The following TSPAN7 variants were observed in gnomAD, a reference collection of about 807,000 sequenced individuals.
The protein encoded by TSPAN7 is tetraspanin 7.
TSPAN7 carries 1 observed loss-of-function variant against 17.6 expected under a neutral mutation model. The ratio of observed to expected loss-of-function variants is 0.06; its 90% confidence interval spans 0.02 to 0.27. TSPAN7 has a LOEUF of 0.27. Ranked by LOEUF, TSPAN7 falls within the 10% of genes least tolerant of loss-of-function variation. The pLI is 1.00. For missense variants in TSPAN7, 112 were observed against 201.7 expected (o/e 0.56, Z 2.69); for synonymous variants, 78 against 79.0 (o/e 0.99, Z 0.07).
intron 1 of TSPAN7, among the ~76,000 whole-genome samples, chrX:38,584,631 CTCTT>C (rs757809782): frequency 2.7e-5 from 3 of 112,054 alleles, no homozygotes; most frequent in Admixed American, 1.9e-4. Flanking sequence ...GTTTGAAAGA[CTCTT>C]TATGTTGTGA....
intron 1 of TSPAN7, among the ~76,000 whole-genome samples, chrX:38,576,306 T>C (rs930586737): frequency 3.6e-5 from 4 of 111,961 alleles, no homozygotes; most frequent in African/African-American, 1.3e-4. Context: ...ATGATTTTTA[T>C]CTTGAAAGAG....
At chrX:38,592,471 AT>A (rs2069297499) in intron 1 of TSPAN7, among the ~76,000 whole-genome samples, 1 of 109,649 alleles carries the variant, frequency 9.1e-6, no homozygotes, top group East Asian at 2.9e-4. Flanking sequence ...TATTTCCTTT[AT>A]CTCCTTTATT....
chrX:38,601,848 G>C (rs182986729), intron 1 of TSPAN7, among the ~76,000 whole-genome samples: 4 of 111,666 alleles, frequency 3.6e-5, no homozygotes, highest in South Asian at 3.7e-4. Context: ...TTGGACCTTA[G>C]CTGGGGTGGC....
intron 1 of TSPAN7, among the ~76,000 whole-genome samples, chrX:38,655,191 T>C (rs1386274870): frequency 3.6e-5 from 4 of 111,340 alleles, no homozygotes. Context: ...AACTGCTGTG[T>C]TGAATAGAGA....
chrX:38,597,565 G>A (rs2069324643), intron 1 of TSPAN7, among the ~76,000 whole-genome samples: 1 of 111,380 alleles, frequency 9.0e-6, no homozygotes, highest in Non-Finnish European at 1.9e-5. Context: ...TAAGTACAGT[G>A]TCTTTAAACA....
chrX:38,562,501 C>T (rs1228188460), intron 1 of TSPAN7, among the ~76,000 whole-genome samples: 2 of 100,217 alleles, frequency 2.0e-5, no homozygotes, highest in Non-Finnish European at 4.0e-5. Context: ...CAGCCAGGGC[C>T]GCGGGGGGCT....
chrX:38,576,030 T>G (rs945070335), intron 1 of TSPAN7, among the ~76,000 whole-genome samples: 1 of 112,002 alleles, frequency 8.9e-6, no homozygotes, highest in Non-Finnish European at 1.9e-5. Flanking sequence ...ATATTTTATT[T>G]TATTTATATT....
intron 1 of TSPAN7, among the ~76,000 whole-genome samples, chrX:38,595,320 A>G: frequency 1.8e-5 from 2 of 111,945 alleles, no homozygotes; most frequent in Non-Finnish European, 3.8e-5. Flanking sequence ...TATTGTTTCA[A>G]GTACACTCCT....
At chrX:38,679,924 A>G (rs912430895) in intron 5 of TSPAN7, among the ~76,000 whole-genome samples, 1 of 111,188 alleles carries the variant, frequency 9.0e-6, no homozygotes, top group South Asian at 3.8e-4. Context: ...TGTCAATTGC[A>G]TTGAAAACAT....
At chrX:38,624,039 T>A (rs2147425304) in intron 1 of TSPAN7, among the ~76,000 whole-genome samples, 1 of 108,686 alleles carries the variant, frequency 9.2e-6, no homozygotes, top group Non-Finnish European at 1.9e-5. Flanking sequence ...AGGTCACACT[T>A]GGGATGCATG....
intron 1 of TSPAN7, among the ~76,000 whole-genome samples, chrX:38,604,190 A>G (rs1391909141): frequency 8.7e-5 from 9 of 103,207 alleles, no homozygotes; most frequent in Non-Finnish European, 1.8e-4. Context: ...TGTCCCTACA[A>G]AGGACATGAA....
intron 3 of TSPAN7, 148 bp from the exon 4 acceptor site, chrX:38,674,073 T>C (rs946166888): frequency 1.9e-6 from 1 of 517,028 alleles, no homozygotes; most frequent in African/African-American, 2.3e-5. Flanking sequence ...TCTGAGCTTT[T>C]CCATCTCAGA....
rs188139588 is a variant in TSPAN7 at position 38,607,385 on chromosome X, T to A, written c.81+45758T>A. 2.7e-5 allele frequency among the ~76,000 whole-genome samples: 3 copies of A among 111,658 alleles called. No individual in the cohort carries two copies. In the East Asian group the frequency reaches 8.5e-4, roughly 32 times the overall value. Reference sequence around the variant, plus strand: ...TTTATTTAGATGTCTCACTGCTTTTTTTTCCTCTCTCTCGTTTTGTGAAGA... The same window carrying A: ...TTTATTTAGATGTCTCACTGCTTTTATTTCCTCTCTCTCGTTTTGTGAAGA... On this transcript the variant is annotated intron_variant, in intron 1 of 7. Transcript: ENST00000378482.
intron 1 of TSPAN7, among the ~76,000 whole-genome samples, chrX:38,616,500 C>T (rs900437976): frequency 1.8e-5 from 2 of 112,191 alleles, no homozygotes; most frequent in African/African-American, 6.5e-5. Context: ...GTCATGGATT[C>T]TTAGTTTCTG....
chrX:38,591,426 G>T (rs2069291082), intron 1 of TSPAN7, among the ~76,000 whole-genome samples: 3 of 111,518 alleles, frequency 2.7e-5, no homozygotes, highest in Admixed American at 1.9e-4. Flanking sequence ...GATTTATTGG[G>T]TTTTGTTTAA....
At chrX:38,587,345 A>G (rs1485331753) in intron 1 of TSPAN7, among the ~76,000 whole-genome samples, 1 of 112,023 alleles carries the variant, frequency 8.9e-6, no homozygotes, top group African/African-American at 3.2e-5. Context: ...TGATTGTTTA[A>G]TCTGCTTTGT....
rs752784744 is a variant in TSPAN7, at chrX:38,624,748, C to G, written c.82-41373C>G. Among the ~76,000 whole-genome samples the G allele has an allele frequency of 5.3e-5, 6 of 112,870 alleles. 1 individual carries two copies. The highest frequency in any genetic ancestry group is 1.9e-4 in the African/African-American group (6 of 31,110). On this transcript the variant is annotated intron_variant, in intron 1 of 7. Coordinates refer to ENST00000378482, the MANE Select transcript of TSPAN7 (RefSeq NM_004615.4). ...AAGACAATATTGAATATTCCTTCCT[C>G]TAAAGTGGTAGTTCTCAAACTTGGC...
chrX:38,618,577 C>T lies in TSPAN7; in HGVS notation c.82-47544C>T, dbSNP rs185641492. 6.9e-3 allele frequency among the ~76,000 whole-genome samples: 771 copies of T among 111,485 alleles called. 1 individual carries two copies. Among genetic ancestry groups the T allele is most frequent in the Non-Finnish European group, 0.011 (595 of 53,032 alleles). Reference sequence around the variant, plus strand: ...TGGGAGAGTAAGGAGGGTTCATTTCCCCACAAATCTTTTACTCAAACTGTC... The same window carrying T: ...TGGGAGAGTAAGGAGGGTTCATTTCTCCACAAATCTTTTACTCAAACTGTC... On this transcript the variant is annotated intron_variant, in intron 1 of 7. Transcript: ENST00000378482.
At chrX:38,606,718 T>TTACACCTAAA (rs2069386007) in intron 1 of TSPAN7, among the ~76,000 whole-genome samples, 1 of 112,088 alleles carries the variant, frequency 8.9e-6, no homozygotes, top group Admixed American at 9.4e-5. Flanking sequence ...CTTTGTGAAG[T>TTACACCTAAA]TACACCTAAA....
Sources: allele counts gnomAD v4.1 joint callset (sites outside exome capture counted in the v4.1 genomes callset), GRCh38; gene constraint gnomAD v4.1.1; transcripts MANE v1.5; gene names NCBI Gene and HGNC (gene_info 2026-07-23, HGNC 2026-07-21).